Variants in ALMS1 observed in about 807,000 individuals in gnomAD.
ALMS1 encodes the protein centrosome-associated protein ALMS1.
A neutral mutation model predicts 352.2 loss-of-function variants in ALMS1; 271 were observed. The observed-to-expected ratio is 0.77, with a 90% CI of 0.70 to 0.85. The LOEUF (loss-of-function observed/expected upper bound fraction) is 0.85. Among genes scored for constraint, ALMS1 ranks in the 40% least tolerant of loss-of-function variants. The probability of loss-of-function intolerance (pLI) is 0.00; values close to 1 mark genes in which losing one functional copy is unlikely to be tolerated. For synonymous variants in ALMS1, 1,865 were observed against 1,761.2 expected, an observed-to-expected ratio of 1.06 and a Z score of -1.48; for missense variants, 5,445 against 4,870.7, an observed-to-expected ratio of 1.12 and a Z score of -3.51.
chr2:73,419,879 A>G (rs1671251735), intron 3 of ALMS1, among the ~76,000 whole-genome samples: 1 of 152,206 alleles, frequency 6.6e-6, no homozygotes, highest in Admixed American at 6.5e-5. Context: ...AAAATCATTA[A>G]GGGATTCAAT....
chr2:73,493,343 A>G (rs1017649731), intron 10 of ALMS1, among the ~76,000 whole-genome samples: 13 of 128,652 alleles, frequency 1.0e-4, no homozygotes, highest in African/African-American at 4.1e-4. Context: ...AAATAAGGCA[A>G]ACTACACACA....
In ALMS1 at chr2:73,490,624, G is replaced by T. The variant is rs761646818; in HGVS notation, c.8665G>T (p.Glu2889Ter). The change falls in exon 10 of 23, where the codon GAA becomes TAA. Residue 2889 changes from glutamate (E) to a stop codon, truncating the protein, a stop_gained. Transcript: ENST00000613296. LOFTEE classifies it high-confidence loss of function. ...TTTTCTTGAACAACGAGAGCTCTTT[G>T]AACAAAGCAAAGCCCCACGTGCAGA... is the stretch of plus-strand genomic sequence containing the variant. Reference protein sequence around the residue: ...CIFLEQRELFEQSKAPRADDH... With the variant: ...CIFLEQRELF 6.2e-7 allele frequency: 1 copy of T among 1,614,130 alleles called. No individual in the cohort carries two copies. The highest frequency in any genetic ancestry group is 1.1e-5 in the South Asian group (1 of 91,074).
chr2:73,508,207 CTT>C (rs562118895), intron 10 of ALMS1, among the ~76,000 whole-genome samples: 14 of 108,016 alleles, frequency 1.3e-4, no homozygotes, highest in East Asian at 2.5e-4. Flanking sequence ...TCTTCTTCTT[CTT>C]TTTTTTTTTT....
At chr2:73,527,792 T>C (rs997480571) in intron 11 of ALMS1, among the ~76,000 whole-genome samples, 1 of 152,064 alleles carries the variant, frequency 6.6e-6, no homozygotes. Context: ...TTCTGCTAAT[T>C]ATGGATTTCA....
chr2:73,567,971 A>C (rs1185798074), intron 15 of ALMS1, among the ~76,000 whole-genome samples: 2 of 152,198 alleles, frequency 1.3e-5, no homozygotes, highest in Non-Finnish European at 2.9e-5. Context: ...AATTTTAAAA[A>C]ATTGAGAAAC....
At chr2:73,463,173 C>T (rs140886561) in intron 9 of ALMS1, among the ~76,000 whole-genome samples, 4,615 of 152,246 alleles carry the variant, frequency 0.03, 109 homozygotes, top group Non-Finnish European at 0.047. Context: ...AGCACCACAC[C>T]GCACCTATTC....
chr2:73,471,300 A>T (rs542400663), intron 9 of ALMS1, among the ~76,000 whole-genome samples: 2 of 151,116 alleles, frequency 1.3e-5, no homozygotes, highest in South Asian at 4.2e-4. Flanking sequence ...AAAACAACTT[A>T]TAGCTACAGC....
intron 1 of ALMS1, among the ~76,000 whole-genome samples, chr2:73,400,626 G>C (rs1670854725): frequency 6.6e-6 from 1 of 152,052 alleles, no homozygotes; most frequent in Non-Finnish European, 1.5e-5. Context: ...AATAGATATA[G>C]GCCTCTTCAT....
At chr2:73,530,487 G>A (rs548845442) in intron 11 of ALMS1, among the ~76,000 whole-genome samples, 1 of 152,226 alleles carries the variant, frequency 6.6e-6, no homozygotes, top group Admixed American at 6.5e-5. Flanking sequence ...GTTTTGCAGG[G>A]CACAGCTCCC....
chr2:73,492,968 TAAAAAA>T (rs34376546), intron 10 of ALMS1, among the ~76,000 whole-genome samples: 2 of 141,942 alleles, frequency 1.4e-5, no homozygotes, highest in Admixed American at 7.0e-5. Flanking sequence ...TATTGATACT[TAAAAAA>T]AAAAAAAAAA....
chr2:73,547,617 T>TA (rs1201756353), intron 12 of ALMS1, among the ~76,000 whole-genome samples: 1 of 152,174 alleles, frequency 6.6e-6, no homozygotes, highest in Non-Finnish European at 1.5e-5. Flanking sequence ...GATGGGTAGA[T>TA]ATGGTTAAAG....
chr2:73,424,652 A>G lies in ALMS1; in HGVS notation c.987A>G (p.Glu329=), dbSNP rs2103715270. 2 of 1,614,074 alleles carry G rather than the reference A, an allele frequency of 1.2e-6. No homozygotes were observed. Among genetic ancestry groups the G allele is most frequent in the Non-Finnish European group, 1.7e-6 (2 of 1,180,008 alleles). Residue 329 remains glutamate (E), a synonymous_variant, in exon 5 of 23, where the codon GAA becomes GAG. Coordinates refer to ENST00000613296, the MANE Select transcript of ALMS1 (RefSeq NM_001378454.1). The part of the protein sequence containing the change: ...NNEETISSVD[E]LKIPKDCDRY... The stretch of plus-strand genomic sequence containing the variant: ...AAGAGACTATTTCGTCTGTTGATGA[A>G]CTGAAAATTCCCAAAGACTGTGATC...
chr2:73,405,497 G>T (rs961545147), intron 1 of ALMS1, among the ~76,000 whole-genome samples: 6 of 151,686 alleles, frequency 4.0e-5, no homozygotes, highest in Non-Finnish European at 8.8e-5. Context: ...CTAGCTAAAG[G>T]TTTGTCAGTT....
rs1211562053 is a variant in ALMS1, at chr2:73,455,196, T to C, written c.7575T>C (p.Cys2525=). Residue 2525 remains cysteine (C), a synonymous_variant, in exon 9 of 23, where the codon TGT becomes TGC. Coordinates refer to ENST00000613296, the MANE Select transcript of ALMS1 (RefSeq NM_001378454.1). ...WNMKFNLAHD[C]GYSISELNED... is the part of the protein sequence containing the mutation. ...TGAAGTTCAATTTAGCACATGATTG[T>C]GGATACTCCATTTCAGAATTAAATG... The C allele has an allele frequency of 4.3e-6, 7 of 1,613,356 alleles. No homozygotes were observed. Among genetic ancestry groups the C allele is most frequent in the Non-Finnish European group, 5.9e-6 (7 of 1,179,748 alleles).
At position 73,598,344 on chromosome 2, in the gene ALMS1, ATCT is replaced by A. The variant is rs749495171; in HGVS notation, c.11548-1055_11548-1053del. 2.2e-4 allele frequency among the ~76,000 whole-genome samples: 34 copies of A among 152,126 alleles called. 1 individual carries two copies. Among genetic ancestry groups the A allele is most frequent in the Non-Finnish European group, 4.6e-4 (31 of 68,008 alleles). ...GACTGAGCCTGGCTTAAATCTGCTCATCTTTTTTTTCACCAGTTCCTTGCAAAT... is the reference window on the plus strand; with the variant it reads ...GACTGAGCCTGGCTTAAATCTGCTCATTTTTTTCACCAGTTCCTTGCAAAT... On this transcript the variant is annotated intron_variant, in intron 16 of 22. Transcript: ENST00000613296.
intron 16 of ALMS1, among the ~76,000 whole-genome samples, chr2:73,595,385 T>G (rs1370413161): frequency 6.6e-6 from 1 of 152,242 alleles, no homozygotes; most frequent in African/African-American, 2.4e-5. Flanking sequence ...GGAGATTTTA[T>G]GTATATAGCA....
In ALMS1 at chr2:73,455,556, G is replaced by A. The variant is rs570051531; in HGVS notation, c.7674+261G>A. Among the ~76,000 whole-genome samples the A allele has an allele frequency of 1.1e-4, 17 of 152,146 alleles. No homozygotes were observed. In the South Asian group the frequency reaches 1.9e-3, roughly 17 times the overall value. ...GTAGCTGGGACCACATGTGTGTACC[G>A]CCCTGCTCGGCTAATTTTTAAATTT... On this transcript the variant is annotated intron_variant, in intron 9 of 22. Coordinates refer to ENST00000613296, the MANE Select transcript of ALMS1 (RefSeq NM_001378454.1).
intron 1 of ALMS1, among the ~76,000 whole-genome samples, chr2:73,387,097 C>A (rs1009850403): frequency 8.5e-5 from 13 of 152,210 alleles, no homozygotes; most frequent in Non-Finnish European, 1.9e-4. Context: ...TTGGACAGAG[C>A]AGATAATGGA....
intron 19 of ALMS1, among the ~76,000 whole-genome samples, 156 bp from the exon 20 acceptor site, chr2:73,602,029 G>T (rs1675703454): frequency 6.6e-6 from 1 of 152,210 alleles, no homozygotes; most frequent in Non-Finnish European, 1.5e-5. Context: ...CCCCCATAGA[G>T]AGATGTCAGA....
Sources: gnomAD v4.1 joint callset for allele counts (sites outside exome capture counted in the v4.1 genomes callset) on GRCh38, gnomAD v4.1.1 for gene constraint, MANE v1.5 for transcripts, NCBI Gene and HGNC (gene_info 2026-07-23, HGNC 2026-07-21) for gene names.